INPP4B: variants seen among roughly 807,000 people sequenced by gnomAD.
The protein encoded by INPP4B is inositol polyphosphate 4-phosphatase type II.
In INPP4B, 55 loss-of-function variants were observed where a neutral mutation model predicts 122.5. The ratio of observed to expected loss-of-function variants is 0.45; its 90% confidence interval spans 0.36 to 0.56. INPP4B has a LOEUF of 0.56. Ranked by LOEUF, INPP4B falls within the 20% of genes least tolerant of loss-of-function variation. INPP4B has a pLI of 0.00. For synonymous variants in INPP4B, 403 were observed against 388.7 expected (o/e 1.04, Z -0.43); for missense variants, 1,000 against 1,097.7 (o/e 0.91, Z 1.26).
intron 7 of INPP4B, among the ~76,000 whole-genome samples, chr4:142,373,955 C>T (rs1790870595): frequency 1.3e-5 from 2 of 151,628 alleles, no homozygotes; most frequent in Admixed American, 6.6e-5. Context: ...TGAGCAGCCA[C>T]GGTATGACAG....
chr4:142,070,254 G>A (rs1766346630), intron 25 of INPP4B, among the ~76,000 whole-genome samples: 1 of 152,110 alleles, frequency 6.6e-6, no homozygotes, highest in South Asian at 2.1e-4. Context: ...AATCTCAATA[G>A]AAGCATAAAA....
intron 1 of INPP4B, among the ~76,000 whole-genome samples, chr4:142,824,076 A>G (rs940663096): frequency 2.0e-5 from 3 of 152,034 alleles, no homozygotes; most frequent in Admixed American, 2.0e-4. Flanking sequence ...GCCCTTGAAC[A>G]TGGGAGCTCC....
chr4:142,123,540 T>A (rs1797462833), intron 19 of INPP4B, 125 bp from the exon 20 acceptor site: 1 of 856,182 alleles, frequency 1.2e-6, no homozygotes. Context: ...AAACTACAAC[T>A]ATTTGGTAGG....
At chr4:142,457,060 T>C (rs1815607114) in intron 3 of INPP4B, among the ~76,000 whole-genome samples, 1 of 152,034 alleles carries the variant, frequency 6.6e-6, no homozygotes. Context: ...AAAATAATTA[T>C]TTAAATAAAT....
intron 2 of INPP4B, among the ~76,000 whole-genome samples, chr4:142,651,849 G>T (rs1466433488): frequency 1.3e-5 from 2 of 152,184 alleles, no homozygotes; most frequent in Non-Finnish European, 2.9e-5. Flanking sequence ...AGAAAAAGAA[G>T]GAATCCTCTC....
At chr4:142,135,658 C>T (rs1289681249) in intron 18 of INPP4B, among the ~76,000 whole-genome samples, 1 of 151,994 alleles carries the variant, frequency 6.6e-6, no homozygotes, top group South Asian at 2.1e-4. Context: ...AGTGTGACAA[C>T]GTAAATGACA....
chr4:142,264,575 A>G (rs181851973), intron 10 of INPP4B, among the ~76,000 whole-genome samples: 1 of 152,322 alleles, frequency 6.6e-6, no homozygotes, highest in East Asian at 1.9e-4. Context: ...ATGACCTCTG[A>G]GCAATCTTCC....
chr4:142,173,763 C>T lies in INPP4B; in HGVS notation c.1228G>A (p.Ala410Thr), dbSNP rs754383120. The T allele has an allele frequency of 6.2e-6, 10 of 1,613,190 alleles. No individual in the cohort carries two copies. The Middle Eastern group carries it at 8.3e-4, about 133-fold the overall frequency. Residue 410 changes from alanine to threonine, a missense_variant, in exon 16 of 26, where the codon GCA becomes ACA. Physicochemically the swap from Ala to Thr is moderately conservative, Grantham distance 58 (BLOSUM62 0). Coordinates refer to ENST00000262992, the MANE Select transcript of INPP4B (RefSeq NM_001101669.3). ...IYYSPENTAK[A>T]KEVLSNINQL... ...TTGATGTTGCTGAGAACTTCCTTTG[C>T]TTTGGCTGTGTTTTCAGGTGAATAG...
At chr4:142,254,781 C>T (rs1734739245) in intron 11 of INPP4B, among the ~76,000 whole-genome samples, 1 of 152,176 alleles carries the variant, frequency 6.6e-6, no homozygotes, top group South Asian at 2.1e-4. Flanking sequence ...AAACACTCTG[C>T]AGGATATTAT....
At chr4:142,668,164 G>A (rs551957927) in intron 2 of INPP4B, among the ~76,000 whole-genome samples, 123 of 152,190 alleles carry the variant, frequency 8.1e-4, no homozygotes, top group Middle Eastern at 3.4e-3. Context: ...TCAACAGCAC[G>A]ATCAAGTGGA....
intron 5 of INPP4B, among the ~76,000 whole-genome samples, chr4:142,424,737 C>A (rs1383577685): frequency 6.6e-6 from 1 of 151,902 alleles, no homozygotes; most frequent in Non-Finnish European, 1.5e-5. Flanking sequence ...AATACAGTGG[C>A]TTTTACTTTC....
At chr4:142,239,949 T>A (rs1285326523) in intron 11 of INPP4B, among the ~76,000 whole-genome samples, 1 of 152,128 alleles carries the variant, frequency 6.6e-6, no homozygotes, top group Non-Finnish European at 1.5e-5. Context: ...GGATTTTGCT[T>A]GCCTTTTATA....
chr4:142,620,895 G>A (rs1744764818), intron 2 of INPP4B, among the ~76,000 whole-genome samples: 2 of 151,786 alleles, frequency 1.3e-5, no homozygotes, highest in Admixed American at 1.3e-4. Flanking sequence ...TTAGATGATG[G>A]AATTGCACTG....
At position 142,133,430 on chromosome 4, in the gene INPP4B, C is replaced by T. The variant is rs543188249; in HGVS notation, c.1721-8670G>A. 7.2e-5 allele frequency among the ~76,000 whole-genome samples: 11 copies of T among 152,286 alleles called. No homozygotes were observed. The South Asian group carries it at 1.0e-3, about 14-fold the overall frequency. ...CATCACCTCCACTTGTCTTCTTCTT[C>T]GTCCAAGCTCATCATGCCTCACCTT... On this transcript the variant is annotated intron_variant, in intron 18 of 25. Transcript: ENST00000262992.
chr4:142,474,733 G>A lies in INPP4B; in HGVS notation c.-190-12007C>T, dbSNP rs574483160. Among the ~76,000 whole-genome samples, 21 of 152,204 alleles carry A rather than the reference G, an allele frequency of 1.4e-4. 1 individual carries two copies. In the South Asian group the frequency reaches 2.1e-3, roughly 15 times the overall value. ...GTCCCACTTCTATGTGAACTCAGCC[G>A]GAGAGCACAGCCACCTGTTGTCTGG... On this transcript the variant is annotated intron_variant, in intron 2 of 25. Coordinates refer to ENST00000262992, the MANE Select transcript of INPP4B (RefSeq NM_001101669.3).
At chr4:142,087,175 G>A (rs1777274476) in intron 23 of INPP4B, among the ~76,000 whole-genome samples, 1 of 152,106 alleles carries the variant, frequency 6.6e-6, no homozygotes, top group Admixed American at 6.6e-5. Flanking sequence ...CAGTAAAAAT[G>A]GCCTTCAGAC....
intron 8 of INPP4B, 107 bp downstream of exon 8, chr4:142,314,605 T>G (rs1209973322): frequency 2.0e-6 from 2 of 1,021,116 alleles, no homozygotes; most frequent in African/African-American, 1.6e-5. Context: ...ACCCTGTTAA[T>G]GTAATTCAAT....
At chr4:142,754,374 A>G (rs1340230343) in intron 1 of INPP4B, among the ~76,000 whole-genome samples, 1 of 151,962 alleles carries the variant, frequency 6.6e-6, no homozygotes, top group African/African-American at 2.4e-5. Context: ...TTGGAACCCA[A>G]ATCATGTGTC....
intron 1 of INPP4B, among the ~76,000 whole-genome samples, chr4:142,827,543 A>G (rs991586309): frequency 6.6e-6 from 1 of 152,200 alleles, no homozygotes; most frequent in Non-Finnish European, 1.5e-5. Flanking sequence ...GCCCAAGTAC[A>G]TTACAGCTGT....
Sources: allele counts gnomAD v4.1 joint callset (sites outside exome capture counted in the v4.1 genomes callset), GRCh38; gene constraint gnomAD v4.1.1; transcripts MANE v1.5; gene names NCBI Gene and HGNC (gene_info 2026-07-23, HGNC 2026-07-21).